The following GAK variants were observed in gnomAD, a reference collection of about 807,000 sequenced individuals.
GAK encodes cyclin G associated kinase.
GAK carries 79 observed loss-of-function variants against 143.9 expected under a neutral mutation model. The ratio of observed to expected loss-of-function variants is 0.55; its 90% CI spans 0.46 to 0.66. The LOEUF is 0.66. GAK is among the 30% of genes least tolerant of loss of function. The pLI is 0.00. For missense variants in GAK, 1,693 were observed against 1,779.7 expected (o/e 0.95, Z 0.88); for synonymous variants, 881 against 765.5 (o/e 1.15, Z -2.49).
At chr4:911,345 CT>C (rs1048807911) in intron 4 of GAK, among the ~76,000 whole-genome samples, 3 of 152,214 alleles carry the variant, frequency 2.0e-5, no homozygotes, top group Non-Finnish European at 4.4e-5. Context: ...TCCTCCACCC[CT>C]GCTAAACACC....
intron 24 of GAK, among the ~76,000 whole-genome samples, chr4:855,392 T>G (rs1748957581): frequency 6.6e-6 from 1 of 152,184 alleles, no homozygotes; most frequent in Non-Finnish European, 1.5e-5. Context: ...CTTCCTTATA[T>G]AATTGCAAGT....
At chr4:859,340 G>A in intron 24 of GAK, 1 of 1,412,152 alleles carries the variant, frequency 7.1e-7, no homozygotes, top group South Asian at 1.2e-5. Context: ...CCATGGCCCT[G>A]AGGACAGGAT....
chr4:865,771 G>A (rs924019181), intron 22 of GAK, among the ~76,000 whole-genome samples: 5 of 152,224 alleles, frequency 3.3e-5, no homozygotes, highest in African/African-American at 7.2e-5. Flanking sequence ...CCCAGAGTAC[G>A]CCGTGGACCA....
intron 1 of GAK, among the ~76,000 whole-genome samples, chr4:922,058 T>C (rs566074504): frequency 6.6e-6 from 1 of 152,300 alleles, no homozygotes; most frequent in Non-Finnish European, 1.5e-5. Context: ...CTCAACTGTG[T>C]GCCCCCAAAA....
At chr4:859,144 G>C in intron 24 of GAK, 1 of 983,528 alleles carries the variant, frequency 1.0e-6, no homozygotes, top group Non-Finnish European at 1.2e-6. Flanking sequence ...CCGGGCCTGA[G>C]GCAGACGTGG....
intron 5 of GAK, among the ~76,000 whole-genome samples, chr4:901,714 C>T (rs898388864): frequency 6.6e-5 from 10 of 152,242 alleles, no homozygotes; most frequent in Admixed American, 2.0e-4. Context: ...AGAGACGCCA[C>T]GGGGCTGGGG....
chr4:923,499 C>T (rs1724213495), intron 1 of GAK, among the ~76,000 whole-genome samples: 1 of 152,004 alleles, frequency 6.6e-6, no homozygotes, highest in African/African-American at 2.4e-5. Flanking sequence ...TAACAAGACT[C>T]CATCTCTACC....
intron 1 of GAK, among the ~76,000 whole-genome samples, chr4:915,043 C>T (rs1421977089): frequency 3.3e-5 from 4 of 121,520 alleles, no homozygotes; most frequent in South Asian, 3.3e-4. Context: ...ACAGCCCCAG[C>T]GCACACGGCC....
chr4:882,967 G>C (rs1315270114), intron 13 of GAK, 148 bp from the exon 14 acceptor site: 1 of 1,020,204 alleles, frequency 9.8e-7, no homozygotes, highest in Non-Finnish European at 1.4e-6. Context: ...CTGAGCACCA[G>C]GGCTGCCACT....
At chr4:892,264 G>A (rs980486155) in intron 9 of GAK, among the ~76,000 whole-genome samples, 6 of 152,152 alleles carry the variant, frequency 3.9e-5, no homozygotes, top group African/African-American at 1.4e-4. Context: ...ACGACCCAAG[G>A]GCTGAAAAGG....
chr4:900,341 G>A (rs1175940331), intron 5 of GAK, among the ~76,000 whole-genome samples: 1 of 152,242 alleles, frequency 6.6e-6, no homozygotes, highest in African/African-American at 2.4e-5. Flanking sequence ...CTCCCACGGC[G>A]GAGGCCACAG....
At chr4:854,976 G>T (rs73207782) in intron 24 of GAK, among the ~76,000 whole-genome samples, 2 of 152,068 alleles carry the variant, frequency 1.3e-5, no homozygotes, top group Non-Finnish European at 2.9e-5. Context: ...ACCCGGTAAG[G>T]GAACTTGCAG....
chr4:864,708 C>T (rs1289162788), intron 23 of GAK, among the ~76,000 whole-genome samples: 1 of 152,190 alleles, frequency 6.6e-6, no homozygotes, highest in Admixed American at 6.5e-5. Context: ...AACACCGAGA[C>T]AAGACCCATG....
intron 1 of GAK, among the ~76,000 whole-genome samples, chr4:918,021 A>G (rs2152956921): frequency 6.6e-6 from 1 of 152,368 alleles, no homozygotes; most frequent in Non-Finnish European, 1.5e-5. Context: ...ACACTAACCA[A>G]AGAAGGGTAT....
intron 1 of GAK, among the ~76,000 whole-genome samples, chr4:922,024 CAA>C (rs1723993418): frequency 6.6e-6 from 1 of 152,084 alleles, no homozygotes; most frequent in South Asian, 2.1e-4. Context: ...CTGGTGAGTA[CAA>C]AGAGAAACTC....
chr4:861,921 C>G (rs533412730), intron 23 of GAK, among the ~76,000 whole-genome samples: 3 of 152,358 alleles, frequency 2.0e-5, no homozygotes, highest in Admixed American at 6.5e-5. Context: ...GGTGAAGACG[C>G]TGCAGAAGAA....
At position 851,834 on chromosome 4, in the gene GAK, A is replaced by G. The variant is rs773687541; in HGVS notation, c.3424T>C (p.Cys1142Arg). The G allele has an allele frequency of 6.2e-6, 10 of 1,609,988 alleles. No individual in the cohort carries two copies. The highest frequency in any genetic ancestry group is 8.5e-6 in the Non-Finnish European group (10 of 1,177,676). Residue 1142 changes from cysteine (C) to arginine (R), a missense_variant, in exon 25 of 28, where the codon TGC becomes CGC. Transcript: ENST00000314167. Reference protein sequence around the residue: ...PPQAKPPPKACTQPRPNYASN... With the variant: ...PPQAKPPPKARTQPRPNYASN... ...GCATAGTTAGGCCTTGGCTGTGTGC[A>G]GGCTTTGGGGGGCGGCTTGGCCTGA... is the stretch of plus-strand genomic sequence containing the variant.
intron 11 of GAK, among the ~76,000 whole-genome samples, chr4:884,620 C>G (rs1715888827): frequency 6.6e-6 from 1 of 152,254 alleles, no homozygotes; most frequent in South Asian, 2.1e-4. Flanking sequence ...TACAGACCAA[C>G]TGCCCCCAAC....
rs765101991 is a variant in GAK, at chr4:867,424, C to T, written c.2404G>A (p.Glu802Lys). Residue 802 changes from glutamate (E) to lysine (K), a missense_variant, in exon 21 of 28, where the codon GAG (glutamate) becomes AAG (lysine). Transcript: ENST00000314167. ...LHTLDWQEEK[E>K]AETGAENASS... is the part of the protein sequence containing the mutation. ...GCATTTTCTGCACCAGTCTCTGCCT[C>T]CTTCTCTTCTGCGAAAAGGAAACAA... The T allele has an allele frequency of 3.3e-6, 5 of 1,520,542 alleles. No individual in the cohort carries two copies. The East Asian group carries it at 7.0e-5, about 21-fold the overall frequency. 94.2% of individuals were successfully genotyped at this position (1,520,542 alleles called of 1,614,324 possible).
Sources: allele counts gnomAD v4.1 joint callset (sites outside exome capture counted in the v4.1 genomes callset), GRCh38; gene constraint gnomAD v4.1.1; transcripts MANE v1.5; gene names NCBI Gene and HGNC (gene_info 2026-07-23, HGNC 2026-07-21).